Variants in NXPH1 observed in about 807,000 individuals in gnomAD.
The protein encoded by NXPH1 is neurexophilin-1.
In NXPH1, 5 loss-of-function variants were observed where a neutral mutation model predicts 23.7. The observed-to-expected ratio is 0.21, with a 90% CI of 0.11 to 0.44. The LOEUF is 0.44. NXPH1 is among the 20% of genes least tolerant of loss of function. NXPH1 has a pLI of 0.99. For missense variants in NXPH1, 324 were observed against 321.6 expected, an observed-to-expected ratio of 1.01 and a Z score of -0.06; for synonymous variants, 144 against 122.2, an observed-to-expected ratio of 1.18 and a Z score of -1.18.
chr7:8,747,258 T>G (rs962769545), intron 2 of NXPH1, among the ~76,000 whole-genome samples: 11 of 152,216 alleles, frequency 7.2e-5, no homozygotes, highest in Non-Finnish European at 1.5e-4. Flanking sequence ...ACTCCCATAA[T>G]TACTACAGCT....
intron 2 of NXPH1, among the ~76,000 whole-genome samples, chr7:8,728,012 C>T (rs1780085718): frequency 6.7e-6 from 1 of 150,050 alleles, no homozygotes; most frequent in South Asian, 2.1e-4. Context: ...CTTTTATTTC[C>T]TTGAGCAGTG....
At chr7:8,662,665 C>G (rs990175698) in intron 2 of NXPH1, among the ~76,000 whole-genome samples, 2 of 151,842 alleles carry the variant, frequency 1.3e-5, no homozygotes, top group African/African-American at 2.4e-5. Context: ...TGAGAAGTGA[C>G]GAAAGTCAGA....
Position 8,435,978 on chromosome 7 carries a change from T to A in NXPH1, c.54+211T>A, listed in dbSNP as rs901290940. Among the ~76,000 whole-genome samples, 2 of 152,306 alleles carry A rather than the reference T, an allele frequency of 1.3e-5. No individual in the cohort carries two copies. Among genetic ancestry groups the A allele is most frequent in the South Asian group, 2.1e-4 (1 of 4,822 alleles). On this transcript the variant is annotated intron_variant, in intron 2 of 2. Coordinates refer to ENST00000405863, the MANE Select transcript of NXPH1 (RefSeq NM_152745.3). This position sits in a 1 kb window ranked among gnomAD's most constrained non-coding sequence, Gnocchi z 5.9. ...TTTCTGCTCCAATCCCCCAGTCTCC[T>A]GCGCGTGATTCTTGAAAGGGGCTAG...
At chr7:8,731,157 T>A (rs1219584971) in intron 2 of NXPH1, among the ~76,000 whole-genome samples, 1 of 152,090 alleles carries the variant, frequency 6.6e-6, no homozygotes, top group African/African-American at 2.4e-5. Flanking sequence ...TCTGCATTCT[T>A]CATGTAGTTC....
chr7:8,750,353 A>G (rs1437372508), intron 2 of NXPH1, among the ~76,000 whole-genome samples: 2 of 152,198 alleles, frequency 1.3e-5, no homozygotes, highest in Non-Finnish European at 2.9e-5. Flanking sequence ...AAAATGGGAT[A>G]CATGTGCAGA....
intron 2 of NXPH1, among the ~76,000 whole-genome samples, chr7:8,666,564 T>C (rs920406966): frequency 6.6e-6 from 1 of 152,084 alleles, no homozygotes; most frequent in African/African-American, 2.4e-5. Context: ...AGTTTGGAAG[T>C]ATTCCAATTT....
intron 2 of NXPH1, among the ~76,000 whole-genome samples, chr7:8,467,110 A>G (rs1441683100): frequency 6.6e-6 from 1 of 152,164 alleles, no homozygotes; most frequent in Non-Finnish European, 1.5e-5. Flanking sequence ...ATTATTTGGT[A>G]TATGAATCTT....
chr7:8,612,814 T>C (rs1186052826), intron 2 of NXPH1, among the ~76,000 whole-genome samples: 1 of 152,010 alleles, frequency 6.6e-6, no homozygotes, highest in Non-Finnish European at 1.5e-5. Flanking sequence ...GGCGAGTGTT[T>C]TGTCTACTTA....
At chr7:8,553,338 A>ATT (rs200120951) in intron 2 of NXPH1, among the ~76,000 whole-genome samples, 2 of 142,552 alleles carry the variant, frequency 1.4e-5, no homozygotes, top group South Asian at 2.2e-4. Flanking sequence ...GGTGGTGGGC[A>ATT]TTTTTTTTTT....
intron 2 of NXPH1, among the ~76,000 whole-genome samples, chr7:8,677,998 C>T (rs1483474367): frequency 6.6e-6 from 1 of 151,812 alleles, no homozygotes. Context: ...TTAGTATCAA[C>T]CAATATAAAC....
At chr7:8,521,387 G>C (rs1311525678) in intron 2 of NXPH1, among the ~76,000 whole-genome samples, 5 of 152,152 alleles carry the variant, frequency 3.3e-5, no homozygotes, top group Admixed American at 2.6e-4. Flanking sequence ...CCCCCTTGCT[G>C]TTAGGTGGAA....
At chr7:8,715,665 G>C (rs888681794) in intron 2 of NXPH1, among the ~76,000 whole-genome samples, 2 of 152,174 alleles carry the variant, frequency 1.3e-5, no homozygotes, top group African/African-American at 4.8e-5. Flanking sequence ...GTCTGACTTA[G>C]GAGCCACTAG....
At chr7:8,722,470 T>C (rs1488797155) in intron 2 of NXPH1, among the ~76,000 whole-genome samples, 1 of 152,200 alleles carries the variant, frequency 6.6e-6, no homozygotes, top group Non-Finnish European at 1.5e-5. Flanking sequence ...GATAAAAGCC[T>C]GGGAAGATCT....
chr7:8,638,572 T>C (rs145051209), intron 2 of NXPH1, among the ~76,000 whole-genome samples: 103 of 152,332 alleles, frequency 6.8e-4, no homozygotes, highest in African/African-American at 2.5e-3. Context: ...GGATTGATTG[T>C]TGTATTTTTC....
intron 2 of NXPH1, among the ~76,000 whole-genome samples, chr7:8,710,826 C>A (rs1779781757): frequency 7.3e-6 from 1 of 136,968 alleles, no homozygotes; most frequent in Non-Finnish European, 1.5e-5. Flanking sequence ...CCGCGCCCGG[C>A]TAATTTTTTG....
chr7:8,684,526 C>T (rs774409955), intron 2 of NXPH1, among the ~76,000 whole-genome samples: 32 of 152,152 alleles, frequency 2.1e-4, no homozygotes, highest in African/African-American at 7.5e-4. Flanking sequence ...AGAAAATGCA[C>T]GTCTCCTGAT....
chr7:8,694,924 A>G (rs1288364725), intron 2 of NXPH1, among the ~76,000 whole-genome samples: 1 of 152,228 alleles, frequency 6.6e-6, no homozygotes, highest in Non-Finnish European at 1.5e-5. Context: ...GATTCTGTGG[A>G]TAATTCAGTC....
chr7:8,664,524 A>G (rs562568923), intron 2 of NXPH1, among the ~76,000 whole-genome samples: 1 of 152,242 alleles, frequency 6.6e-6, no homozygotes, highest in South Asian at 2.1e-4. Flanking sequence ...AAAAAAAGAA[A>G]GAAAAATTAC....
chr7:8,442,221 G>C lies in NXPH1; in HGVS notation c.54+6454G>C, dbSNP rs1816314146. Reference sequence around the variant, plus strand: ...GAGGGGGAGACACAGGCCGCATCCAGAGCGCATCGCCTCATCTGCATGAGA... The same window carrying C: ...GAGGGGGAGACACAGGCCGCATCCACAGCGCATCGCCTCATCTGCATGAGA... On this transcript the variant is annotated intron_variant, in intron 2 of 2. Transcript: ENST00000405863. This position sits in a 1 kb window ranked among gnomAD's most constrained non-coding sequence, Gnocchi z 4.6. Among the ~76,000 whole-genome samples the C allele has an allele frequency of 6.6e-6, 1 of 152,238 alleles. No individual in the cohort carries two copies. Among genetic ancestry groups the C allele is most frequent in the East Asian group, 1.9e-4 (1 of 5,204 alleles).
Sources: gnomAD v4.1 joint callset for allele counts (sites outside exome capture counted in the v4.1 genomes callset) on GRCh38, gnomAD v4.1.1 for gene constraint, Gnocchi (gnomAD v3.1) non-coding constraint, MANE v1.5 for transcripts, NCBI Gene and HGNC (gene_info 2026-07-23, HGNC 2026-07-21) for gene names.